DCC: variants seen among roughly 807,000 people sequenced by gnomAD.
DCC encodes netrin receptor DCC.
In DCC, 58 loss-of-function variants were observed where a neutral mutation model predicts 172.5. The observed-to-expected ratio is 0.34, with a 90% CI of 0.27 to 0.42. The LOEUF (loss-of-function observed/expected upper bound fraction) is 0.42. DCC is among the 10% of genes least tolerant of loss of function. The probability of loss-of-function intolerance (pLI) is 1.00; values close to 1 mark genes in which losing one functional copy is unlikely to be tolerated. For synonymous variants in DCC, 709 were observed against 644.5 expected (o/e 1.10, Z -1.52); for missense variants, 1,740 against 1,791.0 (o/e 0.97, Z 0.51).
intron 1 of DCC, among the ~76,000 whole-genome samples, chr18:52,391,660 G>A (rs1293651452): frequency 1.3e-5 from 2 of 152,112 alleles, no homozygotes; most frequent in Non-Finnish European, 2.9e-5. Flanking sequence ...CAAGGGGACT[G>A]GGGGAAGGGA....
intron 1 of DCC, among the ~76,000 whole-genome samples, chr18:52,434,767 T>C (rs1341772013): frequency 1.3e-5 from 2 of 151,546 alleles, no homozygotes; most frequent in Non-Finnish European, 2.9e-5. Flanking sequence ...CCTTTTATTT[T>C]ATTAACACTG....
chr18:52,809,600 A>G (rs2038154716), intron 2 of DCC, among the ~76,000 whole-genome samples: 1 of 152,198 alleles, frequency 6.6e-6, no homozygotes, highest in Non-Finnish European at 1.5e-5. Flanking sequence ...AGTGCAGCGA[A>G]CACACTGCTG....
chr18:53,387,023 C>T (rs72929479), intron 16 of DCC, among the ~76,000 whole-genome samples: 11 of 152,304 alleles, frequency 7.2e-5, no homozygotes, highest in Non-Finnish European at 1.0e-4. Context: ...TCACACCCTT[C>T]GGACGTCGTT....
At chr18:52,690,627 C>A (rs1228486444) in intron 1 of DCC, among the ~76,000 whole-genome samples, 1 of 152,066 alleles carries the variant, frequency 6.6e-6, no homozygotes, top group Non-Finnish European at 1.5e-5. Context: ...ATTGGCTGAG[C>A]AGTTATTGTT....
intron 1 of DCC, among the ~76,000 whole-genome samples, chr18:52,555,970 T>C (rs532015231): frequency 2.6e-5 from 4 of 152,310 alleles, no homozygotes; most frequent in Admixed American, 1.3e-4. Flanking sequence ...ATGTTTGCTC[T>C]AATACTGAGA....
chr18:53,526,923 G>C, intron 28 of DCC, 164 bp downstream of exon 28: 2 of 711,386 alleles, frequency 2.8e-6, no homozygotes, highest in South Asian at 3.3e-5. Context: ...TAAATATGAA[G>C]AGGAAATAAA....
chr18:52,860,417 A>C lies in DCC; in HGVS notation c.413-45627A>C, dbSNP rs140937179. The stretch of plus-strand genomic sequence containing the variant: ...CAGAAAAATGGGAGAAAAATTTGAA[A>C]ACATTAGTTTGGACACTTGTAGCCA... On this transcript the variant is annotated intron_variant, in intron 2 of 28. Coordinates refer to ENST00000442544, the MANE Select transcript of DCC (RefSeq NM_005215.4). Among the ~76,000 whole-genome samples the C allele has an allele frequency of 1.9e-4, 29 of 152,322 alleles. No homozygotes were observed. The East Asian group carries it at 5.6e-3, about 29-fold the overall frequency.
intron 1 of DCC, among the ~76,000 whole-genome samples, chr18:52,500,767 T>C (rs118165223): frequency 4.6e-5 from 7 of 152,204 alleles, no homozygotes; most frequent in Admixed American, 3.3e-4. Flanking sequence ...TGATTTTTTT[T>C]TAATCCAGCT....
intron 1 of DCC, among the ~76,000 whole-genome samples, chr18:52,426,572 A>G (rs923263879): frequency 6.6e-6 from 1 of 151,990 alleles, no homozygotes; most frequent in African/African-American, 2.4e-5. Flanking sequence ...CCCAGCAACC[A>G]CCGACAAAAA....
chr18:52,826,461 A>G (rs1202724611), intron 2 of DCC, among the ~76,000 whole-genome samples: 3 of 152,086 alleles, frequency 2.0e-5, no homozygotes, highest in African/African-American at 4.8e-5. Flanking sequence ...AAGAGGGAAC[A>G]TTCTAAATTT....
intron 2 of DCC, among the ~76,000 whole-genome samples, chr18:52,782,527 C>T (rs2037565788): frequency 1.5e-5 from 2 of 136,610 alleles, no homozygotes; most frequent in Non-Finnish European, 3.2e-5. Flanking sequence ...TATTCCTAAA[C>T]TCTGCCTCTA....
intron 1 of DCC, among the ~76,000 whole-genome samples, chr18:52,657,516 T>C (rs16955341): frequency 0.18 from 26,648 of 152,186 alleles, 2,366 homozygotes; most frequent in Non-Finnish European, 0.19. Context: ...CCAGCCATTC[T>C]TGTGGATCCC....
At chr18:52,896,483 G>A (rs1444660436) in intron 2 of DCC, among the ~76,000 whole-genome samples, 2 of 152,074 alleles carry the variant, frequency 1.3e-5, no homozygotes, top group Non-Finnish European at 2.9e-5. Context: ...TCTGTAAGAA[G>A]GACTTCATTC....
At chr18:53,119,832 T>C (rs1469577850) in intron 7 of DCC, among the ~76,000 whole-genome samples, 1 of 151,858 alleles carries the variant, frequency 6.6e-6, no homozygotes, top group Non-Finnish European at 1.5e-5. Flanking sequence ...TTACACATTG[T>C]GGATCATTTT....
chr18:53,421,410 G>A (rs1910638842), intron 21 of DCC, among the ~76,000 whole-genome samples: 1 of 152,174 alleles, frequency 6.6e-6, no homozygotes, highest in Admixed American at 6.5e-5. Flanking sequence ...GCACTCTCAA[G>A]TGTATTTAAT....
intron 3 of DCC, among the ~76,000 whole-genome samples, chr18:52,918,505 G>C (rs975911361): frequency 1.3e-5 from 2 of 151,954 alleles, no homozygotes; most frequent in Non-Finnish European, 2.9e-5. Context: ...ATAATTGTTT[G>C]CTCCTGGTAC....
At chr18:53,403,322 G>A (rs1456228092) in intron 19 of DCC, among the ~76,000 whole-genome samples, 1 of 152,104 alleles carries the variant, frequency 6.6e-6, no homozygotes, top group African/African-American at 2.4e-5. Context: ...TGGCACATAC[G>A]GAGGTTTGGG....
chr18:52,983,811 T>C (rs758510984), intron 5 of DCC, among the ~76,000 whole-genome samples: 57 of 152,004 alleles, frequency 3.7e-4, no homozygotes, highest in Non-Finnish European at 4.1e-4. Context: ...GAAGACAAAA[T>C]AGGGCACGGT....
chr18:52,700,279 TGC>T lies in DCC; in HGVS notation c.92-51774_92-51773del, dbSNP rs200497997. On this transcript the variant is annotated intron_variant, in intron 1 of 28. Coordinates refer to ENST00000442544, the MANE Select transcript of DCC (RefSeq NM_005215.4). Reference sequence around the variant, plus strand: ...GCACATCCACACTCTTGTGCACACATGCACACACATGCACATCCACACACACA... The same window carrying T: ...GCACATCCACACTCTTGTGCACACATACACACATGCACATCCACACACACA... Among the ~76,000 whole-genome samples, 536 of 80,050 alleles carry T rather than the reference TGC, an allele frequency of 6.7e-3. 7 individuals are homozygous for T. The East Asian group carries it at 0.1, about 15-fold the overall frequency. 52.5% of individuals were successfully genotyped at this position (80,050 alleles called of 152,430 possible).
Sources: allele counts gnomAD v4.1 joint callset (sites outside exome capture counted in the v4.1 genomes callset), GRCh38; gene constraint gnomAD v4.1.1; transcripts MANE v1.5; gene names NCBI Gene and HGNC (gene_info 2026-07-23, HGNC 2026-07-21).